The following ANKMY1 variants were observed in gnomAD, a reference collection of about 807,000 sequenced individuals.
ANKMY1 encodes ankyrin repeat and MYND domain containing 1, also known as ankyrin repeat and MYND domain-containing protein 1.
In ANKMY1, 98 loss-of-function variants were observed where a neutral mutation model predicts 102.0. The ratio of observed to expected loss-of-function variants is 0.96; its 90% confidence interval spans 0.82 to 1.14. The LOEUF is 1.14. Ranked by LOEUF, ANKMY1 falls within the 50% of genes most tolerant of loss-of-function variation. ANKMY1 has a pLI of 0.00. For synonymous variants in ANKMY1, 582 were observed against 559.9 expected (o/e 1.04, Z -0.56); for missense variants, 1,330 against 1,347.6 (o/e 0.99, Z 0.20).
chr2:240,507,472 G>A, intron 13 of ANKMY1, 88 bp downstream of exon 13: 2 of 1,439,844 alleles, frequency 1.4e-6, no homozygotes, highest in South Asian at 2.9e-5. Context: ...GCTCATCAGG[G>A]CCACCCAGCC....
At position 240,506,660 on chromosome 2, in the gene ANKMY1, C is replaced by T. The variant is rs955298036; in HGVS notation, c.2526+900G>A. Among the ~76,000 whole-genome samples, 2 of 146,618 alleles carry T rather than the reference C, an allele frequency of 1.4e-5. No homozygotes were observed. The highest frequency in any genetic ancestry group is 3.0e-5 in the Non-Finnish European group (2 of 66,472). On this transcript the variant is annotated intron_variant, in intron 13 of 17. Transcript: ENST00000401804. The surrounding 1 kb of genome is among the most constrained non-coding windows in gnomAD (Gnocchi z 4.9). ...CAGACGCCTGAGTCTCACCCCCCTC[C>T]TCCTTCCCCCTTTTTCTCCCTCAGA...
chr2:240,523,754 T>C, intron 8 of ANKMY1, 131 bp downstream of exon 8: 1 of 1,388,286 alleles, frequency 7.2e-7, no homozygotes, highest in Non-Finnish European at 9.6e-7. Context: ...ACAGGGATGC[T>C]CACACATTCA....
chr2:240,544,052 G>A (rs950168042), intron 4 of ANKMY1, among the ~76,000 whole-genome samples: 5 of 152,098 alleles, frequency 3.3e-5, no homozygotes, highest in South Asian at 2.1e-4. Flanking sequence ...CAACTTAGAC[G>A]TTATCTAAAG....
In ANKMY1 at chr2:240,480,875, G is replaced by T. The variant is rs182419423; in HGVS notation, c.3046+62C>A. 5.1e-5 allele frequency: 80 copies of T among 1,565,110 alleles called. No homozygotes were observed. The East Asian group carries it at 1.8e-3, about 34-fold the overall frequency. The stretch of plus-strand genomic sequence containing the variant: ...AGGGTGCCCCTCACCAGCACCCCAG[G>T]CCTGCGCCTTCGCCCTCAGCAGCAG... On this transcript the variant is annotated intron_variant, in intron 17 of 17. Coordinates refer to ENST00000401804, the MANE Select transcript of ANKMY1 (RefSeq NM_001282771.3).
Position 240,479,609 on chromosome 2 carries a change from T to G in ANKMY1, c.3093A>C (p.Ter1031CysextTer?). The change falls in exon 18 of 18, where the codon TGA (stop) becomes TGC (cysteine). Residue 1031 changes from the stop codon to cysteine, a stop_lost. Coordinates refer to ENST00000401804, the MANE Select transcript of ANKMY1 (RefSeq NM_001282771.3). ...QVSRRREEFQ[*>C] ...AAGCCTCGGACGTGCAGCTGCTGCT[T>G]CACTGGAATTCTTCTCTCCTCCTGG... The G allele has an allele frequency of 4.3e-6, 7 of 1,613,942 alleles. No homozygotes were observed. The highest frequency in any genetic ancestry group is 5.9e-6 in the Non-Finnish European group (7 of 1,180,028).
At chr2:240,546,687 C>CA (rs1454703468) in intron 4 of ANKMY1, among the ~76,000 whole-genome samples, 1 of 151,410 alleles carries the variant, frequency 6.6e-6, no homozygotes, top group East Asian at 1.9e-4. Context: ...AAATGGAAAA[C>CA]AAAAAAAGGC....
chr2:240,483,471 T>C (rs561848956), intron 15 of ANKMY1, among the ~76,000 whole-genome samples: 1 of 152,310 alleles, frequency 6.6e-6, no homozygotes, highest in South Asian at 2.1e-4. Context: ...TTATTTAATT[T>C]ATCATGTGTC....
chr2:240,538,044 C>T lies in ANKMY1; in HGVS notation c.481-8535G>A, dbSNP rs2087334288. Among the ~76,000 whole-genome samples, 3 of 152,374 alleles carry T rather than the reference C, an allele frequency of 2.0e-5. No individual in the cohort carries two copies. The South Asian group carries it at 6.2e-4, about 32-fold the overall frequency. ...TCTGGGGGCTGCCTGATTCATCAAT[C>T]GTTCATTGCTCAATTAAACTCCTTT... On this transcript the variant is annotated intron_variant, in intron 4 of 17. Coordinates refer to ENST00000401804, the MANE Select transcript of ANKMY1 (RefSeq NM_001282771.3).
At chr2:240,527,781 ATGAAC>A (rs2084165050) in intron 5 of ANKMY1, 1 of 149,180 alleles carries the variant, frequency 6.7e-6, no homozygotes, top group Non-Finnish European at 1.5e-5. Flanking sequence ...GTGTGGGTAG[ATGAAC>A]AGATGCCTGA....
At chr2:240,478,868 A>G (rs1304909598), downstream of ANKMY1, among the ~76,000 whole-genome samples, 1 of 151,656 alleles carries the variant, frequency 6.6e-6, no homozygotes, top group East Asian at 1.9e-4. Flanking sequence ...TCAGCAGCAA[A>G]CCCCCATCGT....
At chr2:240,556,412 G>T (rs558609044) in intron 2 of ANKMY1, among the ~76,000 whole-genome samples, 32 of 152,186 alleles carry the variant, frequency 2.1e-4, no homozygotes, top group Non-Finnish European at 3.2e-4. Flanking sequence ...AGACATGCAG[G>T]CTCCTAGCTA....
intron 13 of ANKMY1, 113 bp downstream of exon 13, chr2:240,507,447 C>G (rs2079285035): frequency 7.5e-7 from 1 of 1,333,436 alleles, no homozygotes; most frequent in South Asian, 1.6e-5. Context: ...CCCAGGGCCA[C>G]CCACTCCCCT....
At chr2:240,498,194 G>T (rs2077522768) in intron 15 of ANKMY1, among the ~76,000 whole-genome samples, 1 of 147,272 alleles carries the variant, frequency 6.8e-6, no homozygotes, top group South Asian at 2.2e-4. Flanking sequence ...GTTGGGGGGG[G>T]ACATATGGGA....
At chr2:240,559,044 T>C (rs1337419952), upstream of ANKMY1, among the ~76,000 whole-genome samples, 1 of 152,220 alleles carries the variant, frequency 6.6e-6, no homozygotes, top group East Asian at 1.9e-4. Flanking sequence ...AGAACCAACA[T>C]GTAGAAACCC....
chr2:240,552,210 C>T (rs1219996785), intron 4 of ANKMY1, among the ~76,000 whole-genome samples: 1 of 152,202 alleles, frequency 6.6e-6, no homozygotes, highest in Non-Finnish European at 1.5e-5. Flanking sequence ...CAGTGATGGG[C>T]TTTCTGTGCA....
At chr2:240,535,374 T>G (rs2086472138) in intron 4 of ANKMY1, among the ~76,000 whole-genome samples, 1 of 152,218 alleles carries the variant, frequency 6.6e-6, no homozygotes, top group Non-Finnish European at 1.5e-5. Context: ...AAAGGAATGT[T>G]CAGGTTAAGA....
rs767989310 is a variant in ANKMY1 at position 240,529,561 on chromosome 2, A to G, written c.481-52T>C. On this transcript the variant is annotated intron_variant, in intron 4 of 17. Transcript: ENST00000401804. This position sits in a 1 kb window ranked among gnomAD's most constrained non-coding sequence, Gnocchi z 4.2. ...GAGAGATAACGCGACCCAGCTGCACATGTGATCATGTTTGTAACGTCAAAA... is the reference window on the plus strand; with the variant it reads ...GAGAGATAACGCGACCCAGCTGCACGTGTGATCATGTTTGTAACGTCAAAA... 2.7e-6 allele frequency: 4 copies of G among 1,472,932 alleles called. No homozygotes were observed. The African/African-American group carries it at 5.7e-5, about 21-fold the overall frequency. 91.2% of individuals were successfully genotyped at this position (1,472,932 alleles called of 1,614,324 possible). A position where few individuals can be genotyped will look rare whatever the true frequency, so the allele number is the denominator to read the frequency against.
chr2:240,523,553 G>A, intron 8 of ANKMY1: 1 of 389,122 alleles, frequency 2.6e-6, no homozygotes, highest in Non-Finnish European at 4.8e-6. Context: ...GCTAGGATAG[G>A]ACCCCTGACA....
Position 240,557,906 on chromosome 2 carries a change from C to A in ANKMY1, c.-43G>T, listed in dbSNP as rs112651802. On this transcript the variant is annotated 5_prime_UTR_variant, in exon 1 of 18. Transcript: ENST00000401804. The stretch of plus-strand genomic sequence containing the variant: ...CAAGCAAGACTCGAAGAGCTCGCGC[C>A]GGACAGCAGGGAGACCGACGGGACT... The A allele has an allele frequency of 5.7e-3, 5,633 of 985,546 alleles. 259 individuals are homozygous for A. The African/African-American group carries it at 0.089, about 16-fold the overall frequency. The allele number at this position is 985,546 out of a possible 1,614,324, so 61.1% of individuals were successfully genotyped here.
Sources: gnomAD v4.1 joint callset for allele counts (sites outside exome capture counted in the v4.1 genomes callset) on GRCh38, gnomAD v4.1.1 for gene constraint, Gnocchi (gnomAD v3.1) non-coding constraint, MANE v1.5 for transcripts, NCBI Gene and HGNC (gene_info 2026-07-23, HGNC 2026-07-21) for gene names.